COA1: variants seen among roughly 807,000 people sequenced by gnomAD.
The protein encoded by COA1 is cytochrome c oxidase assembly factor 1, also known as cytochrome c oxidase assembly factor 1 homolog.
Under a neutral mutation model 16.0 loss-of-function variants are expected in COA1, and 13 were observed. The observed-to-expected ratio is 0.81, with a 90% CI of 0.53 to 1.29. The LOEUF (loss-of-function observed/expected upper bound fraction) is 1.29. Ranked by LOEUF, COA1 falls within the 50% of genes most tolerant of loss-of-function variation. COA1 has a pLI of 0.00. For missense variants in COA1, 179 were observed against 177.0 expected (o/e 1.01, Z -0.06); for synonymous variants, 65 against 65.7 (o/e 0.99, Z 0.05).
chr7:43,670,314 G>A (rs1365265491), intron 1 of COA1, among the ~76,000 whole-genome samples: 1 of 152,060 alleles, frequency 6.6e-6, no homozygotes, highest in Admixed American at 6.6e-5. Context: ...TTAACTGGGT[G>A]TGGTGGTGGG....
chr7:43,689,770 G>A (rs2094191956), intron 1 of COA1, among the ~76,000 whole-genome samples: 1 of 152,214 alleles, frequency 6.6e-6, no homozygotes, highest in African/African-American at 2.4e-5. Flanking sequence ...ATGGAAGTAT[G>A]TTGTTGTAAG....
At chr7:43,676,926 C>A (rs1280599902) in intron 1 of COA1, among the ~76,000 whole-genome samples, 3 of 152,126 alleles carry the variant, frequency 2.0e-5, no homozygotes, top group African/African-American at 7.2e-5. Flanking sequence ...GCTCTACACT[C>A]TTAAAATAAT....
At chr7:43,673,749 C>A (rs1241321122) in intron 1 of COA1, among the ~76,000 whole-genome samples, 2 of 152,156 alleles carry the variant, frequency 1.3e-5, no homozygotes, top group Non-Finnish European at 2.9e-5. Context: ...AACCTAAATG[C>A]CCACCAATGG....
chr7:43,668,751 C>G (rs766747372), intron 1 of COA1, among the ~76,000 whole-genome samples: 1 of 152,158 alleles, frequency 6.6e-6, no homozygotes, highest in African/African-American at 2.4e-5. Flanking sequence ...GTAGGGTGCC[C>G]ATAACCCTGA....
At chr7:43,617,398 G>A (rs1165097271) in intron 6 of COA1, among the ~76,000 whole-genome samples, 2 of 152,184 alleles carry the variant, frequency 1.3e-5, no homozygotes, top group Admixed American at 1.3e-4. Flanking sequence ...TTAATTTTCC[G>A]TAGATGGAGA....
At chr7:43,616,429 G>A (rs1197775242) in intron 6 of COA1, among the ~76,000 whole-genome samples, 1 of 152,116 alleles carries the variant, frequency 6.6e-6, no homozygotes, top group Non-Finnish European at 1.5e-5. Context: ...AAATATAAAT[G>A]TGTGGTAGGC....
At chr7:43,677,040 T>G (rs2093557512) in intron 1 of COA1, among the ~76,000 whole-genome samples, 1 of 152,218 alleles carries the variant, frequency 6.6e-6, no homozygotes, top group African/African-American at 2.4e-5. Flanking sequence ...CTCTTCATCC[T>G]TTGTACGATG....
At chr7:43,709,403 T>A (rs2095129525) in intron 1 of COA1, among the ~76,000 whole-genome samples, 1 of 151,412 alleles carries the variant, frequency 6.6e-6, no homozygotes, top group African/African-American at 2.4e-5. Flanking sequence ...GGGTGTAATA[T>A]GAGATACAGG....
At chr7:43,687,949 G>A (rs1009381763) in intron 1 of COA1, among the ~76,000 whole-genome samples, 3 of 152,154 alleles carry the variant, frequency 2.0e-5, no homozygotes, top group Admixed American at 6.5e-5. Context: ...GAATCATGGG[G>A]GCCAGTCTTT....
At chr7:43,691,672 T>A (rs1411079152) in intron 1 of COA1, among the ~76,000 whole-genome samples, 3 of 152,144 alleles carry the variant, frequency 2.0e-5, no homozygotes, top group Non-Finnish European at 2.9e-5. Context: ...GGACACCTGC[T>A]CTATCCTCTG....
chr7:43,670,688 T>A (rs1211881000), intron 1 of COA1, among the ~76,000 whole-genome samples: 1 of 152,202 alleles, frequency 6.6e-6, no homozygotes, highest in African/African-American at 2.4e-5. Flanking sequence ...GAGGGCTATG[T>A]GAAGAAAACA....
At chr7:43,623,911 T>C (rs767410635) in intron 6 of COA1, 15 of 1,416,244 alleles carry the variant, frequency 1.1e-5, no homozygotes, top group Non-Finnish European at 1.4e-5. Context: ...TTTATTAGTT[T>C]AATATTGAAC....
rs755999906 is a variant in COA1, at chr7:43,647,663, T to C, written c.16-29A>G. 5.6e-5 allele frequency: 87 copies of C among 1,557,494 alleles called. No individual in the cohort carries two copies. The South Asian group carries it at 8.7e-4, about 16-fold the overall frequency. On this transcript the variant is annotated intron_variant, in intron 2 of 5. Transcript: ENST00000223336. ...AAAAACAAAAGATACAAATTTATTG[T>C]AGGATTCCCAGTTTTGTGCCAAGGG...
exon 7 of COA1, chr7:43,608,927 TAAAG>T (rs1170579974): frequency 6.6e-6 from 1 of 152,208 alleles, no homozygotes; most frequent in Non-Finnish European, 1.5e-5. Flanking sequence ...ATGAGAAAAT[TAAAG>T]AGATTAGAGG....
intron 6 of COA1, among the ~76,000 whole-genome samples, chr7:43,616,400 T>C (rs532344848): frequency 1.3e-5 from 2 of 152,320 alleles, no homozygotes; most frequent in South Asian, 4.1e-4. Context: ...GTTATGTTTC[T>C]TCCATTCATT....
chr7:43,698,352 T>A (rs893179278), intron 1 of COA1, among the ~76,000 whole-genome samples: 18 of 152,210 alleles, frequency 1.2e-4, no homozygotes, highest in Admixed American at 1.0e-3. Flanking sequence ...CTACCTTTTT[T>A]AAATCTCAAA....
intron 4 of COA1, 183 bp from the exon 5 acceptor site, chr7:43,640,832 TTTGG>T (rs2086860480): frequency 7.5e-6 from 4 of 530,546 alleles, no homozygotes; most frequent in Admixed American, 8.0e-5. Context: ...CCTGCCCCTC[TTTGG>T]TTGGCTGGTA....
At chr7:43,686,301 GTTTC>G (rs2094020598) in intron 1 of COA1, among the ~76,000 whole-genome samples, 1 of 127,608 alleles carries the variant, frequency 7.8e-6, no homozygotes, top group Non-Finnish European at 1.7e-5. Flanking sequence ...TTCTGGCTTT[GTTTC>G]TTTTTTTTTT....
chr7:43,637,281 A>G (rs1485094051), downstream of COA1, among the ~76,000 whole-genome samples: 1 of 152,138 alleles, frequency 6.6e-6, no homozygotes, highest in Non-Finnish European at 1.5e-5. Context: ...CCAGCACACT[A>G]GCTGGTAAGG....
Sources: gnomAD v4.1 joint callset for allele counts (sites outside exome capture counted in the v4.1 genomes callset) on GRCh38, gnomAD v4.1.1 for gene constraint, MANE v1.5 for transcripts, NCBI Gene and HGNC (gene_info 2026-07-23, HGNC 2026-07-21) for gene names.